L2HGDH: variants seen among roughly 807,000 people sequenced by gnomAD.
L2HGDH encodes the protein L-2-hydroxyglutarate dehydrogenase.
L2HGDH carries 34 observed loss-of-function variants against 51.5 expected under a neutral mutation model. The ratio of observed to expected loss-of-function variants is 0.66; its 90% CI spans 0.50 to 0.88. The LOEUF (loss-of-function observed/expected upper bound fraction) is 0.88, where lower values mean the gene tolerates loss of function less well. Ranked by LOEUF, L2HGDH falls within the 40% of genes least tolerant of loss-of-function variation. The pLI is 0.00. For synonymous variants in L2HGDH, 198 were observed against 197.9 expected (o/e 1.00, Z -0.01); for missense variants, 558 against 571.9 (o/e 0.98, Z 0.25).
Position 50,244,648 on chromosome 14 carries a change from T to G in L2HGDH, c.*2410A>C, listed in dbSNP as rs1887923226. On this transcript the variant is annotated 3_prime_UTR_variant, in exon 10 of 10. Coordinates refer to ENST00000267436, the MANE Select transcript of L2HGDH (RefSeq NM_024884.3). ...CTAAGAGTTGAATAATGGCCTACTCTGTTTACCTGGGATGTGCTACTTCTT... is the reference window on the plus strand; with the variant it reads ...CTAAGAGTTGAATAATGGCCTACTCGGTTTACCTGGGATGTGCTACTTCTT... The G allele has an allele frequency of 1.0e-6, 1 of 985,346 alleles. No individual in the cohort carries two copies. Among genetic ancestry groups the G allele is most frequent in the South Asian group, 4.7e-5 (1 of 21,296 alleles). The allele number at this position is 985,346 out of a possible 1,614,324, so 61.0% of individuals were successfully genotyped here.
rs776164147 is a variant in L2HGDH, at chr14:50,247,120, T to G, written c.1330A>C (p.Thr444Pro). 1 of 1,614,040 alleles carries G rather than the reference T, an allele frequency of 6.2e-7. No homozygotes were observed. Among genetic ancestry groups the G allele is most frequent in the Non-Finnish European group, 8.5e-7 (1 of 1,179,912 alleles). Residue 444 changes from threonine (T) to proline (P), a missense_variant, in exon 10 of 10, where the codon ACT (threonine) becomes CCT (proline). By Grantham distance (38) the Thr-to-Pro change is conservative. Transcript: ENST00000267436. ...ATTCCAGAAATTGCAATGGAAGAAG[T>G]AGCAGCAGGAGAAGGTGCATTTCTC... ...HVRNAPSPAA[T>P]SSIAISGMIA...
At chr14:50,304,663 A>G (rs946706060) in intron 1 of L2HGDH, among the ~76,000 whole-genome samples, 4 of 152,174 alleles carry the variant, frequency 2.6e-5, no homozygotes, top group South Asian at 2.1e-4. Context: ...GTGAAACCCC[A>G]TCTCTACTAA....
intron 6 of L2HGDH, among the ~76,000 whole-genome samples, chr14:50,271,301 G>A (rs978714228): frequency 2.6e-5 from 4 of 152,168 alleles, no homozygotes; most frequent in African/African-American, 9.7e-5. Flanking sequence ...AAAAAATGCA[G>A]ATAAGTCCTA....
At chr14:50,305,937 T>C (rs988214290) in intron 1 of L2HGDH, among the ~76,000 whole-genome samples, 16 of 152,258 alleles carry the variant, frequency 1.1e-4, no homozygotes, top group Non-Finnish European at 2.4e-4. Context: ...GTTGTTATAC[T>C]GTATTTTAAA....
At chr14:50,296,401 A>G (rs1363991370) in intron 3 of L2HGDH, among the ~76,000 whole-genome samples, 3 of 137,982 alleles carry the variant, frequency 2.2e-5, no homozygotes, top group Non-Finnish European at 1.6e-5. Context: ...AAAAAAACTT[A>G]TATGAAGGAC....
intron 9 of L2HGDH, among the ~76,000 whole-genome samples, chr14:50,252,897 G>A (rs10149715): frequency 0.32 from 48,705 of 151,816 alleles, 8,207 homozygotes; most frequent in Admixed American, 0.43. Flanking sequence ...CCTCGACAAA[G>A]AAATGTCAGA....
At chr14:50,270,330 C>A (rs1240051382) in intron 6 of L2HGDH, among the ~76,000 whole-genome samples, 8 of 152,132 alleles carry the variant, frequency 5.3e-5, no homozygotes, top group Non-Finnish European at 1.5e-5. Flanking sequence ...TCATTTATCC[C>A]GCATTCACCA....
At chr14:50,289,862 T>C (rs1890774814) in intron 4 of L2HGDH, among the ~76,000 whole-genome samples, 1 of 152,194 alleles carries the variant, frequency 6.6e-6, no homozygotes, top group African/African-American at 2.4e-5. Flanking sequence ...AGCTTATGTC[T>C]GTCTGACTTA....
chr14:50,310,118 G>A lies in L2HGDH; in HGVS notation c.140+1893C>T, dbSNP rs151070259. 3.2e-3 allele frequency among the ~76,000 whole-genome samples: 490 copies of A among 152,188 alleles called. 2 individuals carry two copies. Among genetic ancestry groups the A allele is most frequent in the African/African-American group, 0.011 (440 of 41,524 alleles). ...AACTGATGAAAGCTGAACAATGTCC[G>A]TGGATTTTGCCAATATCAATTTCCT... is the stretch of plus-strand genomic sequence containing the variant. On this transcript the variant is annotated intron_variant, in intron 1 of 9. Coordinates refer to ENST00000267436, the MANE Select transcript of L2HGDH (RefSeq NM_024884.3).
intron 6 of L2HGDH, among the ~76,000 whole-genome samples, chr14:50,277,377 GT>G (rs1890033659): frequency 6.6e-6 from 1 of 152,074 alleles, no homozygotes; most frequent in Non-Finnish European, 1.5e-5. Context: ...GACTGTAGGG[GT>G]TTGTACTGAG....
chr14:50,272,669 T>C (rs1276205192), intron 6 of L2HGDH, among the ~76,000 whole-genome samples: 1 of 152,184 alleles, frequency 6.6e-6, no homozygotes, highest in Admixed American at 6.5e-5. Flanking sequence ...GTTGTCTGAC[T>C]CATCAAGCCA....
At chr14:50,257,659 C>A (rs1024256016) in intron 9 of L2HGDH, among the ~76,000 whole-genome samples, 1 of 152,106 alleles carries the variant, frequency 6.6e-6, no homozygotes, top group Non-Finnish European at 1.5e-5. Context: ...AAGTGGGCCA[C>A]CAAGCCTAGC....
At chr14:50,280,860 G>A (rs991260561) in intron 5 of L2HGDH, among the ~76,000 whole-genome samples, 5 of 152,156 alleles carry the variant, frequency 3.3e-5, no homozygotes, top group African/African-American at 1.2e-4. Context: ...TGTCGGCCTG[G>A]CTGCAGTGCA....
At chr14:50,304,178 T>C (rs1163754893) in intron 1 of L2HGDH, among the ~76,000 whole-genome samples, 1 of 152,242 alleles carries the variant, frequency 6.6e-6, no homozygotes, top group Non-Finnish European at 1.5e-5. Context: ...ATGGTAAGTA[T>C]CTGTGCATCT....
At chr14:50,296,474 C>T (rs111403930) in intron 3 of L2HGDH, among the ~76,000 whole-genome samples, 5 of 146,074 alleles carry the variant, frequency 3.4e-5, no homozygotes, top group African/African-American at 1.3e-4. Flanking sequence ...AACTGTATGG[C>T]AACGAATTAG....
rs547026372 is a variant in L2HGDH, at chr14:50,255,212, G to A, written c.1197-7959C>T. On this transcript the variant is annotated intron_variant, in intron 9 of 9. Coordinates refer to ENST00000267436, the MANE Select transcript of L2HGDH (RefSeq NM_024884.3). ...TAGGATTACATATGCTTTCCCCTCAGAACACTTCAAACTGAAATAAGTATT... is the reference window on the plus strand; with the variant it reads ...TAGGATTACATATGCTTTCCCCTCAAAACACTTCAAACTGAAATAAGTATT... 6.6e-5 allele frequency among the ~76,000 whole-genome samples: 10 copies of A among 151,888 alleles called. No homozygotes were observed. In the East Asian group the frequency reaches 7.7e-4, roughly 12 times the overall value.
intron 8 of L2HGDH, among the ~76,000 whole-genome samples, chr14:50,266,568 G>A (rs1267705703): frequency 1.3e-5 from 2 of 152,230 alleles, no homozygotes; most frequent in African/African-American, 4.8e-5. Flanking sequence ...ATTGATCCCA[G>A]GAGGTTGAGG....
At chr14:50,294,986 T>C (rs1219177501) in intron 3 of L2HGDH, among the ~76,000 whole-genome samples, 1 of 152,182 alleles carries the variant, frequency 6.6e-6, no homozygotes, top group Non-Finnish European at 1.5e-5. Flanking sequence ...ATAAAGGCTA[T>C]TTAAATCAAT....
At chr14:50,302,843 C>G (rs996892905) in intron 2 of L2HGDH, 59 bp downstream of exon 2, 3 of 1,113,134 alleles carry the variant, frequency 2.7e-6, no homozygotes, top group Middle Eastern at 2.0e-4. Context: ...AGATTCACAA[C>G]AGACAAAATG....
Sources: allele counts gnomAD v4.1 joint callset (sites outside exome capture counted in the v4.1 genomes callset), GRCh38; gene constraint gnomAD v4.1.1; transcripts MANE v1.5; gene names NCBI Gene and HGNC (gene_info 2026-07-23, HGNC 2026-07-21).